CREBBP: variants seen among roughly 807,000 people sequenced by gnomAD.
CREBBP encodes CREB-binding protein.
Under a neutral mutation model 265.0 loss-of-function variants are expected in CREBBP, and 19 were observed. The ratio of observed to expected loss-of-function variants is 0.07; its 90% CI spans 0.05 to 0.11. The LOEUF (loss-of-function observed/expected upper bound fraction) is 0.11. Ranked by LOEUF, CREBBP falls within the 10% of genes least tolerant of loss-of-function variation. The pLI is 1.00. For missense variants in CREBBP, 2,525 were observed against 3,219.0 expected, an observed-to-expected ratio of 0.78 and a Z score of 5.22; for synonymous variants, 1,457 against 1,223.7, an observed-to-expected ratio of 1.19 and a Z score of -3.98.
chr16:3,798,629 C>T (rs1156778115), intron 3 of CREBBP, among the ~76,000 whole-genome samples: 3 of 152,184 alleles, frequency 2.0e-5, no homozygotes, highest in Non-Finnish European at 2.9e-5. Flanking sequence ...CAGTGAGATA[C>T]CACTTCACAC....
Position 3,731,593 on chromosome 16 carries a change from G to C in CREBBP, c.4891-120C>G, listed in dbSNP as rs2051918363. 5 of 1,414,494 alleles carry C rather than the reference G, an allele frequency of 3.5e-6. No homozygotes were observed. The highest frequency in any genetic ancestry group is 3.9e-6 in the Non-Finnish European group (4 of 1,023,064). The allele number at this position is 1,414,494 out of a possible 1,614,324, so 87.6% of individuals were successfully genotyped here. A position where few individuals can be genotyped will look rare whatever the true frequency, so the allele number is the denominator to read the frequency against. Reference sequence around the variant, plus strand: ...GCAGGTGGCTGAGCCTGATGGCCCTGATGCCTTGGGATGGAACAAAATTGG... The same window carrying C: ...GCAGGTGGCTGAGCCTGATGGCCCTCATGCCTTGGGATGGAACAAAATTGG... On this transcript the variant is annotated intron_variant, in intron 29 of 30. Coordinates refer to ENST00000262367, the MANE Select transcript of CREBBP (RefSeq NM_004380.3). This position sits in a 1 kb window ranked among gnomAD's most constrained non-coding sequence, Gnocchi z 7.7.
chr16:3,856,663 T>C (rs1006263136), intron 1 of CREBBP, among the ~76,000 whole-genome samples: 3 of 152,146 alleles, frequency 2.0e-5, no homozygotes, highest in African/African-American at 7.2e-5. Context: ...CTGATGAGCA[T>C]GAAAATGAAA....
At position 3,778,707 on chromosome 16, in the gene CREBBP, T is replaced by C. The variant is rs750268668; in HGVS notation, c.1934A>G (p.Asn645Ser). The change falls in exon 9 of 31, where the codon AAC (asparagine) becomes AGC (serine). Residue 645 changes from asparagine to serine, a missense_variant. By Grantham distance (46) the Asn-to-Ser change is conservative (BLOSUM62 1). Coordinates refer to ENST00000262367, the MANE Select transcript of CREBBP (RefSeq NM_004380.3). ...CGGTAAACAGCAACCTACCCTGCTG[T>C]TGGCAGACTCGTACATGTCCCCTTC... ...KVEGDMYESA[N>S]SRDEYYHLLA... 1.1e-5 allele frequency: 17 copies of C among 1,613,152 alleles called. No homozygotes were observed. The highest frequency in any genetic ancestry group is 1.4e-5 in the Non-Finnish European group (17 of 1,179,304).
Position 3,731,214 on chromosome 16 carries a change from C to T in CREBBP, c.5150G>A (p.Arg1717His), listed in dbSNP as rs748975160. 1.9e-6 allele frequency: 3 copies of T among 1,613,714 alleles called. No homozygotes were observed. Among genetic ancestry groups the T allele is most frequent in the Non-Finnish European group, 2.5e-6 (3 of 1,179,908 alleles). The stretch of plus-strand genomic sequence containing the variant: ...TACCTCGCACACAGTGCAGTGCCAG[C>T]GCGTCTCCACGTGGTGCTTGCACTC... ...CNECKHHVET[R>H]WHCTVCEDYD... is the part of the protein sequence containing the mutation. The change falls in exon 30 of 31, where the codon CGC (arginine) becomes CAC (histidine). Residue 1717 changes from arginine (R) to histidine (H), a missense_variant. Arg to His is a conservative substitution (Grantham distance 29). Coordinates refer to ENST00000262367, the MANE Select transcript of CREBBP (RefSeq NM_004380.3). This position sits in a 1 kb window ranked among gnomAD's most constrained non-coding sequence, Gnocchi z 7.7.
intron 3 of CREBBP, among the ~76,000 whole-genome samples, chr16:3,805,555 A>C (rs895327889): frequency 9.2e-5 from 14 of 152,362 alleles, no homozygotes; most frequent in African/African-American, 2.6e-4. Flanking sequence ...GACAACAGAG[A>C]GAGATCCTGG....
chr16:3,879,991 C>CT lies in CREBBP; in HGVS notation c.-76dup. 1 of 1,442,014 alleles carries CT rather than the reference C, an allele frequency of 6.9e-7. No homozygotes were observed. Among genetic ancestry groups the CT allele is most frequent in the Non-Finnish European group, 9.4e-7 (1 of 1,061,828 alleles). The allele number at this position is 1,442,014 out of a possible 1,614,324, so 89.3% of individuals were successfully genotyped here. ...AGGGCCCGGACGGGGGTCGGGGGCC[C>CT]TGCCGGCTGCGAGGGAGAGGAGCGA... On this transcript the variant is annotated 5_prime_UTR_variant, in exon 1 of 31. Coordinates refer to ENST00000262367, the MANE Select transcript of CREBBP (RefSeq NM_004380.3).
rs2053175281 is a variant in CREBBP, at chr16:3,777,637, C to T, written c.2134G>A (p.Val712Met). Reference protein sequence around the residue: ...RPPNGPLSLPVNRMQVSQGMN... With the variant: ...RPPNGPLSLPMNRMQVSQGMN... The stretch of plus-strand genomic sequence containing the variant: ...CCTTGAGAAACTTGCATGCGATTCA[C>T]TGGCAGGGACAGGGGTCCATCTATG... Residue 712 changes from valine (V) to methionine (M), a missense_variant, in exon 11 of 31, where the codon GTG (valine) becomes ATG (methionine). Coordinates refer to ENST00000262367, the MANE Select transcript of CREBBP (RefSeq NM_004380.3). 2.5e-6 allele frequency: 4 copies of T among 1,614,158 alleles called. No individual in the cohort carries two copies. The highest frequency in any genetic ancestry group is 3.4e-6 in the Non-Finnish European group (4 of 1,180,044).
chr16:3,763,281 G>T (rs1183463248), intron 16 of CREBBP, among the ~76,000 whole-genome samples: 2 of 151,362 alleles, frequency 1.3e-5, no homozygotes, highest in Non-Finnish European at 2.9e-5. Flanking sequence ...TCAGCCTCAT[G>T]AGTAGCATGA....
chr16:3,834,738 G>A (rs142382100), intron 2 of CREBBP, among the ~76,000 whole-genome samples: 276 of 152,260 alleles, frequency 1.8e-3, no homozygotes, highest in Admixed American at 2.9e-3. Context: ...TCTAGACAGC[G>A]GAGTTGGGGA....
intron 2 of CREBBP, among the ~76,000 whole-genome samples, chr16:3,814,095 A>G (rs966374436): frequency 5.3e-5 from 8 of 152,040 alleles, no homozygotes; most frequent in African/African-American, 1.9e-4. Context: ...CAGGGTGAGT[A>G]TGAGTGTGTG....
chr16:3,822,426 G>C (rs1307193704), intron 2 of CREBBP, among the ~76,000 whole-genome samples: 1 of 152,194 alleles, frequency 6.6e-6, no homozygotes. Flanking sequence ...GAGAAAGAAA[G>C]ATGACATTTC....
chr16:3,792,205 C>T (rs1002894378), intron 4 of CREBBP, 111 bp from the exon 5 acceptor site: 1 of 944,632 alleles, frequency 1.1e-6, no homozygotes, highest in Non-Finnish European at 1.7e-6. Flanking sequence ...CAAGTGTAAC[C>T]ATAACACAGT....
At chr16:3,747,123 T>C (rs2052360470) in intron 21 of CREBBP, among the ~76,000 whole-genome samples, 1 of 151,866 alleles carries the variant, frequency 6.6e-6, no homozygotes, top group Non-Finnish European at 1.5e-5. Context: ...CTTGCTTTAA[T>C]TGGTGTTTCA....
chr16:3,876,414 A>C (rs1396797637), intron 1 of CREBBP, among the ~76,000 whole-genome samples: 1 of 150,258 alleles, frequency 6.7e-6, no homozygotes, highest in East Asian at 1.9e-4. Flanking sequence ...AAAAAAAAAA[A>C]AAAAAAAAAA....
At chr16:3,770,194 C>T (rs2052965401) in intron 14 of CREBBP, among the ~76,000 whole-genome samples, 1 of 150,944 alleles carries the variant, frequency 6.6e-6, no homozygotes, top group Non-Finnish European at 1.5e-5. Context: ...AGTAAACAAA[C>T]AAAAGATGAC....
chr16:3,756,337 C>A (rs1212094027), intron 19 of CREBBP, among the ~76,000 whole-genome samples: 1 of 152,258 alleles, frequency 6.6e-6, no homozygotes, highest in Admixed American at 6.5e-5. Flanking sequence ...GGTGCGCTCA[C>A]ACTGCAGCGG....
intron 2 of CREBBP, among the ~76,000 whole-genome samples, chr16:3,841,280 T>C (rs2054561883): frequency 6.6e-6 from 1 of 152,100 alleles, no homozygotes; most frequent in Non-Finnish European, 1.5e-5. Flanking sequence ...CCATGTGTTT[T>C]AGAAGCCCAA....
intron 25 of CREBBP, 129 bp downstream of exon 25, chr16:3,739,449 G>T: frequency 1.8e-6 from 2 of 1,084,792 alleles, no homozygotes; most frequent in Non-Finnish European, 2.7e-6. Context: ...ACTTTGGTTA[G>T]TTAATTGTGG....
intron 19 of CREBBP, among the ~76,000 whole-genome samples, chr16:3,752,192 T>G (rs993916357): frequency 6.6e-6 from 1 of 152,228 alleles, no homozygotes; most frequent in South Asian, 2.1e-4. Flanking sequence ...TAGAATTGCA[T>G]GGAGCCCAAA....
Sources: gnomAD v4.1 joint callset for allele counts (sites outside exome capture counted in the v4.1 genomes callset) on GRCh38, gnomAD v4.1.1 for gene constraint, Gnocchi (gnomAD v3.1) non-coding constraint, MANE v1.5 for transcripts, NCBI Gene and HGNC (gene_info 2026-07-23, HGNC 2026-07-21) for gene names.